The following LRRC36 variants were observed in gnomAD, a reference collection of about 807,000 sequenced individuals.
LRRC36 encodes the protein leucine-rich repeat-containing protein 36.
In LRRC36, 62 loss-of-function variants were observed where a neutral mutation model predicts 81.1. The observed-to-expected ratio is 0.76, with a 90% CI of 0.62 to 0.94. The LOEUF (loss-of-function observed/expected upper bound fraction) is 0.94. Among genes scored for constraint, LRRC36 ranks in the 40% least tolerant of loss-of-function variants. LRRC36 has a pLI of 0.00. For missense variants in LRRC36, 761 were observed against 881.7 expected, an observed-to-expected ratio of 0.86 and a Z score of 1.73; for synonymous variants, 334 against 348.6, an observed-to-expected ratio of 0.96 and a Z score of 0.47.
intron 1 of LRRC36, among the ~76,000 whole-genome samples, chr16:67,337,619 C>G (rs1439660280): frequency 6.6e-6 from 1 of 151,684 alleles, no homozygotes; most frequent in African/African-American, 2.4e-5. Flanking sequence ...CTCGGCCTTC[C>G]AAAGTGCTGG....
At chr16:67,351,842 G>T (rs905229553) in intron 5 of LRRC36, among the ~76,000 whole-genome samples, 12 of 152,098 alleles carry the variant, frequency 7.9e-5, no homozygotes, top group Non-Finnish European at 2.9e-5. Flanking sequence ...TTTTTAAATT[G>T]ATACAATTTT....
At position 67,346,342 on chromosome 16, in the gene LRRC36, G is replaced by A. The variant is rs547617812; in HGVS notation, c.285G>A (p.Pro95=). 55 of 1,612,566 alleles carry A rather than the reference G, an allele frequency of 3.4e-5. No individual in the cohort carries two copies. The highest frequency in any genetic ancestry group is 6.6e-5 in the South Asian group (6 of 90,922). ...PSLVEVSRLQ[P]LPFLKELDLR... Reference sequence around the variant, plus strand: ...TAGTGGAAGTGTCCCGTCTACAACCGTTACCCTTCCTCAAAGAACTGGATT... The same window carrying A: ...TAGTGGAAGTGTCCCGTCTACAACCATTACCCTTCCTCAAAGAACTGGATT... Residue 95 remains proline (P), a synonymous_variant, in exon 3 of 14, where the codon CCG becomes CCA. Coordinates refer to ENST00000329956, the MANE Select transcript of LRRC36 (RefSeq NM_018296.6).
At chr16:67,338,296 A>G (rs2037858646) in intron 1 of LRRC36, among the ~76,000 whole-genome samples, 2 of 152,148 alleles carry the variant, frequency 1.3e-5, no homozygotes, top group South Asian at 4.1e-4. Flanking sequence ...GGAAAGTATC[A>G]CTGATTTATA....
At chr16:67,350,354 A>G in intron 5 of LRRC36, 64 bp downstream of exon 5, 2 of 1,286,474 alleles carry the variant, frequency 1.6e-6, no homozygotes, top group Non-Finnish European at 2.2e-6. Flanking sequence ...GCCATAGCCA[A>G]TATTGGGTAA....
intron 10 of LRRC36, among the ~76,000 whole-genome samples, chr16:67,376,105 C>T (rs550996678): frequency 3.9e-5 from 6 of 151,984 alleles, no homozygotes; most frequent in Non-Finnish European, 8.8e-5. Flanking sequence ...GTCAGGAGTT[C>T]GACACCAGCC....
At chr16:67,366,570 T>G (rs925397147) in intron 7 of LRRC36, among the ~76,000 whole-genome samples, 2 of 151,998 alleles carry the variant, frequency 1.3e-5, no homozygotes, top group Admixed American at 1.3e-4. Context: ...GCCAACACGG[T>G]GAAACCCCAT....
chr16:67,370,526 G>A (rs890476102), intron 8 of LRRC36, among the ~76,000 whole-genome samples: 2 of 151,496 alleles, frequency 1.3e-5, no homozygotes, highest in African/African-American at 4.9e-5. Context: ...CCAGCTACTC[G>A]GGAGGCTGGG....
At chr16:67,359,599 A>G (rs2039055838) in intron 5 of LRRC36, among the ~76,000 whole-genome samples, 1 of 152,208 alleles carries the variant, frequency 6.6e-6, no homozygotes, top group South Asian at 2.1e-4. Context: ...TGAATTGTAC[A>G]CTATAAAAGG....
chr16:67,379,691 C>G (rs982547279), intron 12 of LRRC36, among the ~76,000 whole-genome samples: 1 of 152,166 alleles, frequency 6.6e-6, no homozygotes, highest in Admixed American at 6.5e-5. Flanking sequence ...GGCAACAGAG[C>G]AAGACTCCCT....
At chr16:67,384,121 G>A (rs1458649065) in intron 13 of LRRC36, among the ~76,000 whole-genome samples, 1 of 152,106 alleles carries the variant, frequency 6.6e-6, no homozygotes, top group Non-Finnish European at 1.5e-5. Flanking sequence ...TTTTGCCAGT[G>A]TGTGGATGGC....
At chr16:67,360,355 A>G (rs1420970601) in intron 5 of LRRC36, among the ~76,000 whole-genome samples, 2 of 152,178 alleles carry the variant, frequency 1.3e-5, no homozygotes, top group Non-Finnish European at 2.9e-5. Flanking sequence ...AGGTTGAAAG[A>G]AAAGGAACCT....
At position 67,341,956 on chromosome 16, in the gene LRRC36, GAAC is replaced by G; in HGVS notation, c.71_73del (p.Glu24_Leu25delinsVal). On this transcript the variant is annotated inframe_deletion and splice_region_variant, in exon 2 of 14. Transcript: ENST00000329956. ...TATATCTACTGATGATCTCTTTTCA[GAAC>G]TGGTGGAGTCTCTTTCATTGCAGGG... 2.5e-6 allele frequency: 4 copies of G among 1,607,630 alleles called. No individual in the cohort carries two copies. In the South Asian group the frequency reaches 3.3e-5, roughly 13 times the overall value.
At chr16:67,333,028 A>G (rs2037574791) in intron 1 of LRRC36, among the ~76,000 whole-genome samples, 2 of 151,982 alleles carry the variant, frequency 1.3e-5, no homozygotes. Context: ...AGTAGCTGGG[A>G]CTACAGGTGT....
chr16:67,349,187 A>G (rs2038498551), intron 4 of LRRC36, among the ~76,000 whole-genome samples: 1 of 152,216 alleles, frequency 6.6e-6, no homozygotes, highest in African/African-American at 2.4e-5. Context: ...AAACAGATAA[A>G]TTAATTCCAT....
chr16:67,356,187 A>C (rs995099082), intron 5 of LRRC36, among the ~76,000 whole-genome samples: 3 of 152,180 alleles, frequency 2.0e-5, no homozygotes, highest in African/African-American at 7.2e-5. Context: ...CTTATTCTAA[A>C]ATAACAAGGA....
At chr16:67,359,767 T>C (rs1005463826) in intron 5 of LRRC36, among the ~76,000 whole-genome samples, 4 of 152,120 alleles carry the variant, frequency 2.6e-5, no homozygotes, top group Admixed American at 6.5e-5. Context: ...AATAACAAGA[T>C]TGGGGGAGGC....
At chr16:67,374,361 G>A (rs1246018804) in intron 9 of LRRC36, among the ~76,000 whole-genome samples, 1 of 151,742 alleles carries the variant, frequency 6.6e-6, no homozygotes, top group Non-Finnish European at 1.5e-5. Context: ...ATAGATGTAG[G>A]TGTCAAACAA....
intron 1 of LRRC36, among the ~76,000 whole-genome samples, chr16:67,340,770 C>T (rs1012631107): frequency 6.8e-6 from 1 of 146,378 alleles, no homozygotes; most frequent in Non-Finnish European, 1.5e-5. Flanking sequence ...GAATATATAC[C>T]ACATATACTC....
chr16:67,356,125 A>G (rs1405243134), intron 5 of LRRC36, among the ~76,000 whole-genome samples: 1 of 152,198 alleles, frequency 6.6e-6, no homozygotes, highest in Non-Finnish European at 1.5e-5. Flanking sequence ...TCTTTTTGCC[A>G]GTTCTATTTG....
Sources: gnomAD v4.1 joint callset for allele counts (sites outside exome capture counted in the v4.1 genomes callset) on GRCh38, gnomAD v4.1.1 for gene constraint, MANE v1.5 for transcripts, NCBI Gene and HGNC (gene_info 2026-07-23, HGNC 2026-07-21) for gene names.